CNTN1: variants seen among roughly 807,000 people sequenced by gnomAD.
CNTN1 encodes contactin 1.
In CNTN1, 38 loss-of-function variants were observed where a neutral mutation model predicts 126.4. The observed-to-expected ratio is 0.30, with a 90% CI of 0.23 to 0.39. The LOEUF (loss-of-function observed/expected upper bound fraction) is 0.39, where lower values mean the gene tolerates loss of function less well. Among genes scored for constraint, CNTN1 ranks in the 10% least tolerant of loss-of-function variants. The pLI is 1.00. For missense variants in CNTN1, 1,009 were observed against 1,248.4 expected (o/e 0.81, Z 2.89); for synonymous variants, 413 against 422.6 (o/e 0.98, Z 0.28).
rs542505657 is a variant in CNTN1, at chr12:40,786,025, C to T, written c.-77+93433C>T. 2.6e-5 allele frequency among the ~76,000 whole-genome samples: 4 copies of T among 152,304 alleles called. No homozygotes were observed. In the South Asian group the frequency reaches 8.3e-4, roughly 32 times the overall value. ...ATCACTGCCATAACAAATTATCACGCACATTGTGTCTTATGACAACAGCTC... is the reference window on the plus strand; with the variant it reads ...ATCACTGCCATAACAAATTATCACGTACATTGTGTCTTATGACAACAGCTC... On this transcript the variant is annotated intron_variant, in intron 1 of 23. Transcript: ENST00000551295.
At chr12:40,953,359 G>T (rs1017470888) in intron 14 of CNTN1, among the ~76,000 whole-genome samples, 1 of 152,124 alleles carries the variant, frequency 6.6e-6, no homozygotes, top group Non-Finnish European at 1.5e-5. Context: ...GCTAGAATGT[G>T]CTGAGGCCCA....
intron 1 of CNTN1, among the ~76,000 whole-genome samples, chr12:40,799,824 A>G (rs1178150757): frequency 6.6e-6 from 1 of 151,992 alleles, no homozygotes; most frequent in Non-Finnish European, 1.5e-5. Flanking sequence ...CAGTCCTTAC[A>G]ATATTCCCAT....
At chr12:40,831,575 C>T (rs1463655731) in intron 1 of CNTN1, among the ~76,000 whole-genome samples, 1 of 152,060 alleles carries the variant, frequency 6.6e-6, no homozygotes, top group African/African-American at 2.4e-5. Flanking sequence ...ACATATGAAA[C>T]ATCTTTCTTT....
chr12:40,939,444 T>C lies in CNTN1; in HGVS notation c.1338T>C (p.Phe446=). ...CTAAAGCTGCACCGAAACCAAAGTTTTCATGGAGTAAAGGGACAGAGTGGC... is the reference window on the plus strand; with the variant it reads ...CTAAAGCTGCACCGAAACCAAAGTTCTCATGGAGTAAAGGGACAGAGTGGC... ...CKPKAAPKPK[F]SWSKGTEWLV... The change falls in exon 12 of 24, where the codon TTT becomes TTC. Residue 446 remains phenylalanine (F), a synonymous_variant. Coordinates refer to ENST00000551295, the MANE Select transcript of CNTN1 (RefSeq NM_001843.4). 1 of 1,613,914 alleles carries C rather than the reference T, an allele frequency of 6.2e-7. No individual in the cohort carries two copies. The highest frequency in any genetic ancestry group is 8.5e-7 in the Non-Finnish European group (1 of 1,179,938).
intron 1 of CNTN1, among the ~76,000 whole-genome samples, chr12:40,888,978 G>A (rs1258905631): frequency 2.6e-5 from 4 of 152,226 alleles, no homozygotes; most frequent in Admixed American, 6.5e-5. Context: ...GCCAGTGGGC[G>A]TTCAGGCCTG....
intron 16 of CNTN1, among the ~76,000 whole-genome samples, chr12:40,985,909 C>T (rs1947945449): frequency 6.6e-6 from 1 of 151,814 alleles, no homozygotes; most frequent in African/African-American, 2.4e-5. Context: ...ATCTGCGTGT[C>T]TGTGTTTCTG....
intron 23 of CNTN1, among the ~76,000 whole-genome samples, chr12:41,031,315 C>CACTT (rs1194732467): frequency 2.6e-5 from 4 of 152,066 alleles, no homozygotes; most frequent in African/African-American, 9.7e-5. Flanking sequence ...CAAGTGATGT[C>CACTT]ACTTAATATG....
intron 1 of CNTN1, among the ~76,000 whole-genome samples, chr12:40,772,735 T>C (rs990057993): frequency 2.6e-5 from 4 of 151,926 alleles, no homozygotes; most frequent in African/African-American, 9.7e-5. Context: ...CATAAGAATG[T>C]TTCTCTGGAA....
intron 1 of CNTN1, among the ~76,000 whole-genome samples, chr12:40,830,359 G>T (rs1160484117): frequency 1.3e-5 from 2 of 151,908 alleles, no homozygotes; most frequent in Non-Finnish European, 2.9e-5. Flanking sequence ...TTTAGATAGT[G>T]ATTATTATGG....
chr12:40,866,723 T>C (rs752200559), intron 1 of CNTN1, among the ~76,000 whole-genome samples: 2 of 152,178 alleles, frequency 1.3e-5, no homozygotes, highest in Non-Finnish European at 2.9e-5. Context: ...TAATATTTTG[T>C]TGATAATTTT....
intron 1 of CNTN1, among the ~76,000 whole-genome samples, chr12:40,767,612 TTTTGTTTGTTTG>T (rs59423116): frequency 3.6e-4 from 52 of 144,826 alleles, no homozygotes; most frequent in East Asian, 2.9e-3. Flanking sequence ...CTGGCCCTTT[TTTTGTTTGTTTG>T]TTTGTTTGTT....
intron 1 of CNTN1, among the ~76,000 whole-genome samples, chr12:40,844,068 G>GTTTTTTTTTTTTTTTTTTTTT (rs1424373022): frequency 1.2e-4 from 5 of 40,232 alleles, no homozygotes; most frequent in African/African-American, 2.1e-4. Context: ...TTGGCACAAT[G>GTTTTTTTTTTTTTTTTTTTTT]ATTTTTTTTT....
intron 1 of CNTN1, among the ~76,000 whole-genome samples, chr12:40,735,571 C>A (rs1385986894): frequency 1.8e-4 from 28 of 151,922 alleles, no homozygotes; most frequent in South Asian, 2.1e-4. Context: ...GAAAGGAGAC[C>A]AAAGATACTT....
At chr12:41,040,747 T>C (rs578012551) in intron 23 of CNTN1, among the ~76,000 whole-genome samples, 19 of 151,712 alleles carry the variant, frequency 1.3e-4, no homozygotes, top group African/African-American at 4.6e-4. Context: ...ATGCTTGTGA[T>C]TTTTGTACAT....
intron 23 of CNTN1, among the ~76,000 whole-genome samples, chr12:41,065,618 TGGGAATAGGA>T (rs1950033628): frequency 6.6e-6 from 1 of 152,012 alleles, no homozygotes; most frequent in Admixed American, 6.5e-5. Context: ...GTTTCTGAAG[TGGGAATAGGA>T]GAAGCAGGAA....
chr12:40,968,896 T>C (rs1232841187), intron 15 of CNTN1, among the ~76,000 whole-genome samples: 1 of 152,176 alleles, frequency 6.6e-6, no homozygotes, highest in Non-Finnish European at 1.5e-5. Context: ...ATCTCTATCA[T>C]TGTTGGTACA....
In CNTN1 at chr12:40,839,905, CAA is replaced by C. The variant is rs1336438225; in HGVS notation, c.-76-68450_-76-68449del. On this transcript the variant is annotated intron_variant, in intron 1 of 23. Coordinates refer to ENST00000551295, the MANE Select transcript of CNTN1 (RefSeq NM_001843.4). ...GCCACTGCAGAAATCCACCAAACAA[CAA>C]AGAGTATCAATAAGAGAAAAAGAAA... Among the ~76,000 whole-genome samples the C allele has an allele frequency of 3.9e-5, 6 of 152,036 alleles. No individual in the cohort carries two copies. In the East Asian group the frequency reaches 1.2e-3, roughly 29 times the overall value.
Position 40,908,450 on chromosome 12 carries a change from G to T in CNTN1, c.18G>T (p.Leu6=), listed in dbSNP as rs1264113575. 6.2e-7 allele frequency: 1 copy of T among 1,612,566 alleles called. No individual in the cohort carries two copies. Among genetic ancestry groups the T allele is most frequent in the African/African-American group, 1.3e-5 (1 of 74,838 alleles). ...AATACAAGATGAAAATGTGGTTGCT[G>T]GTCAGTCATCTTGTGATAATATCTA... MKMWL[L]VSHLVIISIT... Residue 6 remains leucine, a synonymous_variant, in exon 2 of 24, where the codon CTG becomes CTT. Coordinates refer to ENST00000551295, the MANE Select transcript of CNTN1 (RefSeq NM_001843.4).
At chr12:40,891,488 G>A (rs1592213551) in intron 1 of CNTN1, among the ~76,000 whole-genome samples, 1 of 152,038 alleles carries the variant, frequency 6.6e-6, no homozygotes, top group Non-Finnish European at 1.5e-5. Flanking sequence ...TTTCTCCTAG[G>A]TTACCTTGTA....
Sources: gnomAD v4.1 joint callset for allele counts (sites outside exome capture counted in the v4.1 genomes callset) on GRCh38, gnomAD v4.1.1 for gene constraint, MANE v1.5 for transcripts, NCBI Gene and HGNC (gene_info 2026-07-23, HGNC 2026-07-21) for gene names.